The following DPF3 variants were observed in gnomAD, a reference collection of about 807,000 sequenced individuals.
DPF3 encodes zinc finger protein DPF3.
DPF3 carries 18 observed loss-of-function variants against 56.8 expected under a neutral mutation model. That is an observed-to-expected ratio of 0.32 (90% confidence interval 0.22 to 0.47). The LOEUF (loss-of-function observed/expected upper bound fraction) is 0.47. DPF3 is among the 20% of genes least tolerant of loss of function. The pLI is 1.00. For synonymous variants in DPF3, 188 were observed against 180.2 expected (o/e 1.04, Z -0.35); for missense variants, 403 against 488.8 (o/e 0.82, Z 1.65).
intron 1 of DPF3, among the ~76,000 whole-genome samples, chr14:72,848,485 G>A (rs1884848617): frequency 6.6e-6 from 1 of 152,092 alleles, no homozygotes; most frequent in South Asian, 2.1e-4. Flanking sequence ...ATTCTATTTG[G>A]GGACCTCTTT....
chr14:72,732,017 C>A lies in DPF3; in HGVS notation c.302-83G>T, dbSNP rs1889676782. On this transcript the variant is annotated intron_variant, in intron 3 of 10. Coordinates refer to ENST00000556509, the MANE Select transcript of DPF3 (RefSeq NM_001280542.3). The stretch of plus-strand genomic sequence containing the variant: ...GACAGTCCTGGAGGACACGCAGGGC[C>A]CAGGGCTCCTGAGGAGGACTCGGGG... 4.7e-5 allele frequency: 71 copies of A among 1,511,448 alleles called. No individual in the cohort carries two copies. The South Asian group carries it at 8.1e-4, about 17-fold the overall frequency. The allele number at this position is 1,511,448 out of a possible 1,614,324, so 93.6% of individuals were successfully genotyped here. A position where few individuals can be genotyped will look rare whatever the true frequency, so the allele number is the denominator to read the frequency against.
At position 72,838,898 on chromosome 14, in the gene DPF3, C is replaced by CATATATATATATATATATATAT. The variant is rs1487324297; in HGVS notation, c.32+55158_32+55159insATATATATATATATATATATAT. Among the ~76,000 whole-genome samples the CATATATATATATATATATATAT allele has an allele frequency of 7.2e-3, 578 of 80,520 alleles. 68 individuals are homozygous for CATATATATATATATATATATAT. The highest frequency in any genetic ancestry group is 0.023 in the Middle Eastern group (2 of 88). The allele number at this position is 80,520 out of a possible 152,430, so 52.8% of individuals were successfully genotyped here. A position where few individuals can be genotyped will look rare whatever the true frequency, so the allele number is the denominator to read the frequency against. ...GCAAATTATCTATCATATATATTATCATATATATTCTTTTTTTTTTTTTTT... is the reference window on the plus strand; with the variant it reads ...GCAAATTATCTATCATATATATTATCATATATATATATATATATATATATATATATTCTTTTTTTTTTTTTTT... On this transcript the variant is annotated intron_variant, in intron 1 of 10. Transcript: ENST00000556509.
chr14:72,612,418 A>G lies in DPF3; in HGVS notation c.*6879T>C. ...TCATGCTCTTGCTCACATATCAGGCAGTGTTTCTGTCCTTTTTTTTTTTCT... is the reference window on the plus strand; with the variant it reads ...TCATGCTCTTGCTCACATATCAGGCGGTGTTTCTGTCCTTTTTTTTTTTCT... On this transcript the variant is annotated 3_prime_UTR_variant, in exon 11 of 11. Coordinates refer to ENST00000556509, the MANE Select transcript of DPF3 (RefSeq NM_001280542.3). 1.9e-6 allele frequency: 1 copy of G among 514,392 alleles called. No individual in the cohort carries two copies. The highest frequency in any genetic ancestry group is 3.9e-6 in the Non-Finnish European group (1 of 257,570). 31.9% of individuals were successfully genotyped at this position (514,392 alleles called of 1,614,324 possible). A position where few individuals can be genotyped will look rare whatever the true frequency, so the allele number is the denominator to read the frequency against.
chr14:72,629,068 C>T (rs1049172430), intron 9 of DPF3, among the ~76,000 whole-genome samples: 4 of 152,002 alleles, frequency 2.6e-5, no homozygotes, highest in East Asian at 1.9e-4. Flanking sequence ...AAATATGAGA[C>T]GACTGGATGT....
intron 5 of DPF3, among the ~76,000 whole-genome samples, chr14:72,720,437 G>A (rs1388971596): frequency 1.3e-5 from 2 of 152,174 alleles, no homozygotes; most frequent in African/African-American, 4.8e-5. Context: ...ACAGCCTTCT[G>A]GGTCCTTCCA....
chr14:72,630,273 C>A (rs970795899), intron 8 of DPF3, among the ~76,000 whole-genome samples: 4 of 152,186 alleles, frequency 2.6e-5, no homozygotes, highest in Non-Finnish European at 5.9e-5. Context: ...CTAAAGTATC[C>A]ATGCCCACAC....
chr14:72,884,940 CTA>C (rs773450437), intron 1 of DPF3, among the ~76,000 whole-genome samples: 1,225 of 29,600 alleles, frequency 0.041, 174 homozygotes, highest in African/African-American at 0.063. Context: ...ACTAAAAATA[CTA>C]TATATATATA....
intron 5 of DPF3, among the ~76,000 whole-genome samples, chr14:72,722,077 T>C (rs957369756): frequency 1.3e-5 from 2 of 152,198 alleles, no homozygotes; most frequent in African/African-American, 2.4e-5. Context: ...ATAGTAGGTA[T>C]TATAACTATT....
intron 2 of DPF3, among the ~76,000 whole-genome samples, chr14:72,757,089 G>T (rs1192576927): frequency 3.8e-5 from 5 of 130,804 alleles, no homozygotes; most frequent in Admixed American, 7.4e-5. Context: ...AAGGAAGGAA[G>T]GGAGGAAGGG....
At chr14:72,706,021 G>A (rs1359972605) in intron 6 of DPF3, among the ~76,000 whole-genome samples, 1 of 152,186 alleles carries the variant, frequency 6.6e-6, no homozygotes, top group Non-Finnish European at 1.5e-5. Context: ...CCTCAGGAAA[G>A]TTAATTAACC....
intron 8 of DPF3, among the ~76,000 whole-genome samples, chr14:72,660,792 C>G (rs914029930): frequency 7.9e-5 from 12 of 152,296 alleles, no homozygotes; most frequent in Admixed American, 7.8e-4. Flanking sequence ...GAGTGGGTGA[C>G]AGCAACCCTG....
chr14:72,673,033 A>G (rs1381026554), intron 8 of DPF3, among the ~76,000 whole-genome samples: 1 of 152,200 alleles, frequency 6.6e-6, no homozygotes, highest in Non-Finnish European at 1.5e-5. Context: ...AAATGAACTG[A>G]CAGAATTGCA....
chr14:72,838,998 G>T (rs557558949), intron 1 of DPF3, among the ~76,000 whole-genome samples: 1 of 134,150 alleles, frequency 7.5e-6, no homozygotes, highest in Non-Finnish European at 1.5e-5. Context: ...TCGGCTCACT[G>T]CAAACTCTGC....
chr14:72,835,819 C>T (rs1035761232), intron 1 of DPF3, among the ~76,000 whole-genome samples: 3 of 152,162 alleles, frequency 2.0e-5, no homozygotes, highest in Non-Finnish European at 4.4e-5. Flanking sequence ...GAGGCAGCAA[C>T]CAGGTCTCAC....
At chr14:72,804,962 G>C (rs757282140) in intron 1 of DPF3, among the ~76,000 whole-genome samples, 75 of 151,742 alleles carry the variant, frequency 4.9e-4, no homozygotes, top group Non-Finnish European at 8.7e-4. Context: ...CATCAAGCTA[G>C]CAACAGAAGG....
At chr14:72,684,701 A>C (rs976015335) in intron 7 of DPF3, among the ~76,000 whole-genome samples, 2 of 152,304 alleles carry the variant, frequency 1.3e-5, no homozygotes, top group Admixed American at 1.3e-4. Context: ...GGGTCTCTAA[A>C]ACATCCCAAA....
chr14:72,704,909 T>A (rs1367281831), intron 6 of DPF3, among the ~76,000 whole-genome samples: 1 of 152,140 alleles, frequency 6.6e-6, no homozygotes, highest in Non-Finnish European at 1.5e-5. Flanking sequence ...TTTCATGTCT[T>A]CTCCTAGCTG....
intron 3 of DPF3, among the ~76,000 whole-genome samples, chr14:72,740,384 C>T (rs1890075023): frequency 6.6e-6 from 1 of 152,172 alleles, no homozygotes; most frequent in African/African-American, 2.4e-5. Context: ...TGAGGAGTTA[C>T]TGCAAAATGT....
intron 1 of DPF3, among the ~76,000 whole-genome samples, chr14:72,826,903 ATGGTGGCGCGTGCC>A (rs978279023): frequency 2.6e-5 from 4 of 152,080 alleles, no homozygotes; most frequent in African/African-American, 9.7e-5. Flanking sequence ...TTAGCTGGGC[ATGGTGGCGCGTGCC>A]TGTAGTCCCA....
Sources: allele counts gnomAD v4.1 joint callset (sites outside exome capture counted in the v4.1 genomes callset), GRCh38; gene constraint gnomAD v4.1.1; transcripts MANE v1.5; gene names NCBI Gene and HGNC (gene_info 2026-07-23, HGNC 2026-07-21).